The following SEPTIN3 variants were observed in gnomAD, a reference collection of about 807,000 sequenced individuals.
The protein encoded by SEPTIN3 is septin 3.
In SEPTIN3, 15 loss-of-function variants were observed where a neutral mutation model predicts 45.1. That is an observed-to-expected ratio of 0.33 (90% confidence interval 0.22 to 0.51). The LOEUF is 0.51. Ranked by LOEUF, SEPTIN3 falls within the 20% of genes least tolerant of loss-of-function variation. The pLI is 0.97. For synonymous variants in SEPTIN3, 148 were observed against 164.8 expected, an observed-to-expected ratio of 0.90 and a Z score of 0.78; for missense variants, 289 against 457.2, an observed-to-expected ratio of 0.63 and a Z score of 3.35.
At chr22:41,975,345 G>A (rs1042561488) in intron 2 of SEPTIN3, among the ~76,000 whole-genome samples, 13 of 152,156 alleles carry the variant, frequency 8.5e-5, no homozygotes, top group Admixed American at 2.0e-4. Flanking sequence ...CTGGAAAGGT[G>A]CCTAGAAGGC....
intron 8 of SEPTIN3, 92 bp from the exon 9 acceptor site, chr22:41,992,572 T>C: frequency 1.3e-6 from 1 of 748,206 alleles, no homozygotes; most frequent in African/African-American, 1.7e-5. Flanking sequence ...GGTTCAAGGC[T>C]AGAGGACCAT....
At position 41,981,832 on chromosome 22, in the gene SEPTIN3, C is replaced by T. The variant is rs199886508; in HGVS notation, c.1692C>T (p.Val564=). 9.9e-6 allele frequency: 16 copies of T among 1,613,006 alleles called. No homozygotes were observed. The East Asian group carries it at 1.8e-4, about 18-fold the overall frequency. ...MKTGFDFNIM[V]VGQSGLGKST... ...CCGGTTTCGACTTCAACATCATGGT[C>T]GTTGGTACGGAAGGCTGTGGGGCTG... The change falls in exon 3 of 12, where the codon GTC becomes GTT. Residue 564 remains valine, a synonymous_variant. Coordinates refer to ENST00000644076, the MANE Select transcript of SEPTIN3 (RefSeq NM_001363845.2).
At chr22:41,986,656 C>T (rs918457022) in intron 4 of SEPTIN3, among the ~76,000 whole-genome samples, 7 of 152,058 alleles carry the variant, frequency 4.6e-5, no homozygotes, top group African/African-American at 1.2e-4. Context: ...CCCGCCACCA[C>T]GCCCGGCTAA....
At chr22:41,995,305 G>C in intron 11 of SEPTIN3, 1 of 991,366 alleles carries the variant, frequency 1.0e-6, no homozygotes, top group Non-Finnish European at 1.2e-6. Flanking sequence ...AAGGCCATGA[G>C]AAGGCAGAGA....
rs532987490 is a variant in SEPTIN3 at position 41,981,789 on chromosome 22, G to T, written c.1649G>T (p.Arg550Leu). The T allele has an allele frequency of 6.2e-7, 1 of 1,613,950 alleles. No individual in the cohort carries two copies. Among genetic ancestry groups the T allele is most frequent in the Non-Finnish European group, 8.5e-7 (1 of 1,179,930 alleles). ...IGIDTIIEQM[R>L]KKTMKTGFDF... Reference sequence around the variant, plus strand: ...ATCGACACCATCATCGAGCAGATGCGCAAGAAGACCATGAAGACCGGTTTC... The same window carrying T: ...ATCGACACCATCATCGAGCAGATGCTCAAGAAGACCATGAAGACCGGTTTC... The change falls in exon 3 of 12, where the codon CGC becomes CTC. Residue 550 changes from arginine to leucine, a missense_variant. Arg to Leu is a moderately radical substitution (Grantham distance 102). Coordinates refer to ENST00000644076, the MANE Select transcript of SEPTIN3 (RefSeq NM_001363845.2).
At position 41,971,918 on chromosome 22, in the gene SEPTIN3, T is replaced by C. The variant is rs2077964035; in HGVS notation, c.426T>C (p.His142=). The C allele has an allele frequency of 2.5e-6, 1 of 399,038 alleles. No individual in the cohort carries two copies. The highest frequency in any genetic ancestry group is 4.4e-6 in the Non-Finnish European group (1 of 226,144). 24.7% of individuals were successfully genotyped at this position (399,038 alleles called of 1,614,324 possible). A position where few individuals can be genotyped will look rare whatever the true frequency, so the allele number is the denominator to read the frequency against. The change falls in exon 2 of 12, where the codon CAT becomes CAC. Residue 142 remains histidine (H), a synonymous_variant. Transcript: ENST00000644076. ...LPTPGKKAAP[H]EGGRVSSPGS... is the part of the protein sequence containing the mutation. The stretch of plus-strand genomic sequence containing the variant: ...CCCCAGGAAAGAAGGCTGCTCCCCA[T>C]GAAGGAGGGAGGGTGTCCTCGCCAG...
rs1288858127 is a variant in SEPTIN3 at position 41,996,947 on chromosome 22, C to A, written c.2551C>A (p.Pro851Thr). The change falls in exon 12 of 12, where the codon CCC becomes ACC. Residue 851 changes from proline (P) to threonine (T), a missense_variant. Transcript: ENST00000644076. ...TGTCCTTCCACCTGTGCCAGCCACC[C>A]CCTGCCCCACTGCTGAATGAAGGCC... ...GTVLPPVPAT[P>T]CPTAE 4.3e-6 allele frequency: 7 copies of A among 1,613,980 alleles called. No homozygotes were observed. The highest frequency in any genetic ancestry group is 5.9e-6 in the Non-Finnish European group (7 of 1,179,974).
rs534089811 is a variant in SEPTIN3, at chr22:41,998,060, G to A, written c.*1093G>A. ...AGAGGCCCACGCCTAGGGGATGCAA[G>A]AACAACCCGTTTCTTAAATGTTACC... On this transcript the variant is annotated 3_prime_UTR_variant, in exon 12 of 12. Coordinates refer to ENST00000644076, the MANE Select transcript of SEPTIN3 (RefSeq NM_001363845.2). 6.5e-5 allele frequency: 10 copies of A among 152,778 alleles called. No individual in the cohort carries two copies. Among genetic ancestry groups the A allele is most frequent in the African/African-American group, 2.2e-4 (9 of 41,566 alleles). The allele number at this position is 152,778 out of a possible 1,614,324, so 9.5% of individuals were successfully genotyped here.
rs763120115 is a variant in SEPTIN3, at chr22:41,985,871, A to T, written c.1697-113A>T. 6 of 1,323,722 alleles carry T rather than the reference A, an allele frequency of 4.5e-6. No homozygotes were observed. In the African/African-American group the frequency reaches 8.9e-5, roughly 20 times the overall value. 82.0% of individuals were successfully genotyped at this position (1,323,722 alleles called of 1,614,324 possible). On this transcript the variant is annotated intron_variant, in intron 3 of 11. Transcript: ENST00000644076. Reference sequence around the variant, plus strand: ...CCTGGCCATCCCCCAGTGAGTGGTCAGACAAGGTGTGGCCTGGATCATGGC... The same window carrying T: ...CCTGGCCATCCCCCAGTGAGTGGTCTGACAAGGTGTGGCCTGGATCATGGC...
chr22:41,989,431 G>A (rs746943579), intron 6 of SEPTIN3, 136 bp from the exon 7 acceptor site: 13 of 662,454 alleles, frequency 2.0e-5, no homozygotes, highest in Non-Finnish European at 2.8e-5. Flanking sequence ...TGTCGGAGAC[G>A]AGAGGTAGCA....
chr22:41,985,776 A>G, intron 3 of SEPTIN3: 1 of 457,808 alleles, frequency 2.2e-6, no homozygotes, highest in Non-Finnish European at 3.9e-6. Flanking sequence ...ATGGAATCCA[A>G]GTGATGTTTC....
At chr22:41,985,660 C>G (rs1181025531) in intron 3 of SEPTIN3, 2 of 181,684 alleles carry the variant, frequency 1.1e-5, no homozygotes, top group African/African-American at 4.7e-5. Context: ...AAAGTGAAAA[C>G]CTAAGCAAAA....
In SEPTIN3 at chr22:41,972,016, A is replaced by C. The variant is rs2077965090; in HGVS notation, c.524A>C (p.Lys175Thr). ...SEGPGNPGLT[K>T]SNRMLATEKP... ...GGCCCAGGGAACCCAGGTCTGACCA[A>C]ATCCAACAGGATGCTTGCCACGGAG... The change falls in exon 2 of 12, where the codon AAA becomes ACA. Residue 175 changes from lysine to threonine, a missense_variant. Physicochemically the swap from Lys to Thr is moderately conservative, Grantham distance 78. This residue lies in a region of SEPTIN3 where 200 missense variants were observed against 315.1 expected (regional missense o/e 0.63). Coordinates refer to ENST00000644076, the MANE Select transcript of SEPTIN3 (RefSeq NM_001363845.2). The C allele has an allele frequency of 5.0e-6, 2 of 399,128 alleles. No homozygotes were observed. The highest frequency in any genetic ancestry group is 3.6e-5 in the East Asian group (1 of 28,072). 24.7% of individuals were successfully genotyped at this position (399,128 alleles called of 1,614,324 possible). A position where few individuals can be genotyped will look rare whatever the true frequency, so the allele number is the denominator to read the frequency against.
At chr22:41,988,053 G>A (rs898261387) in intron 6 of SEPTIN3, among the ~76,000 whole-genome samples, 10 of 152,166 alleles carry the variant, frequency 6.6e-5, no homozygotes, top group Non-Finnish European at 1.0e-4. Context: ...AAGAGGACTT[G>A]GTGAATGTGA....
chr22:41,987,777 C>A lies in SEPTIN3; in HGVS notation c.2045+18C>A. On this transcript the variant is annotated intron_variant, in intron 6 of 11. Coordinates refer to ENST00000644076, the MANE Select transcript of SEPTIN3 (RefSeq NM_001363845.2). ...GGACACTCGTATGTACCAACCCTAC[C>A]CCTATTGTCAGGCCTGGTCTGGTTT... is the stretch of plus-strand genomic sequence containing the variant. The A allele has an allele frequency of 6.2e-7, 1 of 1,601,742 alleles. No individual in the cohort carries two copies.
At chr22:41,975,326 T>C (rs2078007188) in intron 2 of SEPTIN3, among the ~76,000 whole-genome samples, 1 of 152,104 alleles carries the variant, frequency 6.6e-6, no homozygotes, top group Non-Finnish European at 1.5e-5. Flanking sequence ...GGGCTCAGAG[T>C]TTTTGGGTCT....
Position 41,994,277 on chromosome 22 carries a change from GT to G in SEPTIN3, c.2360-9del. Reference sequence around the variant, plus strand: ...CTGACTACCTGTTTTGCTTTGTTTTGTTTTGTTCATAGTGGAAAACCTCAAC... The same window carrying G: ...CTGACTACCTGTTTTGCTTTGTTTTGTTTGTTCATAGTGGAAAACCTCAAC... On this transcript the variant is annotated splice_polypyrimidine_tract_variant and intron_variant, in intron 9 of 11. Transcript: ENST00000644076. The surrounding 1 kb of genome is among the most constrained non-coding windows in gnomAD (Gnocchi z 4.2). 6.2e-7 allele frequency: 1 copy of G among 1,613,502 alleles called. No homozygotes were observed. The highest frequency in any genetic ancestry group is 1.1e-5 in the South Asian group (1 of 91,078).
In SEPTIN3 at chr22:41,981,763, C is replaced by A. The variant is rs2078125386; in HGVS notation, c.1623C>A (p.Gly541=). The change falls in exon 3 of 12, where the codon GGC becomes GGA. Residue 541 remains glycine, a synonymous_variant. Transcript: ENST00000644076. ...SINSNLLGYI[G]IDTIIEQMRK... ...ACTCCAACCTGCTGGGCTACATCGGCATCGACACCATCATCGAGCAGATGC... is the reference window on the plus strand; with the variant it reads ...ACTCCAACCTGCTGGGCTACATCGGAATCGACACCATCATCGAGCAGATGC... 1.2e-6 allele frequency: 2 copies of A among 1,614,090 alleles called. No homozygotes were observed. Among genetic ancestry groups the A allele is most frequent in the East Asian group, 4.5e-5 (2 of 44,882 alleles).
intron 4 of SEPTIN3, among the ~76,000 whole-genome samples, chr22:41,986,558 G>A (rs917163479): frequency 7.2e-5 from 11 of 152,168 alleles, no homozygotes; most frequent in African/African-American, 2.4e-4. Context: ...GGAGTGCAGT[G>A]GTGCGATCTC....
Sources: allele counts gnomAD v4.1 joint callset (sites outside exome capture counted in the v4.1 genomes callset), GRCh38; gene constraint gnomAD v4.1.1; regional missense constraint gnomAD v4.1.1; non-coding constraint Gnocchi (gnomAD v3.1); transcripts MANE v1.5; gene names NCBI Gene and HGNC (gene_info 2026-07-23, HGNC 2026-07-21).